Variants in ZNF69 observed in about 807,000 individuals in gnomAD.
The protein encoded by ZNF69 is ZNF3.
In ZNF69, 47 loss-of-function variants were observed where a neutral mutation model predicts 50.9. The ratio of observed to expected loss-of-function variants is 0.92; its 90% confidence interval spans 0.73 to 1.18. ZNF69 has a LOEUF of 1.18. Among genes scored for constraint, ZNF69 ranks in the 50% most tolerant of loss-of-function variants. The probability of loss-of-function intolerance (pLI) is 0.00; values close to 1 mark genes in which losing one functional copy is unlikely to be tolerated. For synonymous variants in ZNF69, 216 were observed against 223.1 expected, an observed-to-expected ratio of 0.97 and a Z score of 0.29; for missense variants, 717 against 675.1, an observed-to-expected ratio of 1.06 and a Z score of -0.69.
chr19:11,975,722 G>A, the ZNF69 span, among the ~76,000 whole-genome samples: 4 of 152,128 alleles, frequency 2.6e-5, no homozygotes, highest in Non-Finnish European at 5.9e-5. Flanking sequence ...ATATCCCATT[G>A]TATGTGTATG....
chr19:11,978,787 A>G, the ZNF69 span: 1 of 1,614,156 alleles, frequency 6.2e-7, no homozygotes, highest in Non-Finnish European at 8.5e-7. Flanking sequence ...GAATGTAAAC[A>G]ATGTGGCAAA....
chr19:11,904,745 G>T lies in ZNF69; in HGVS notation c.348G>T (p.Glu116Asp), dbSNP rs1314148411. ...QVPDDRLNFQ[E>D]KKASPEIKSC... ...CAGATGACAGGCTGAACTTCCAGGAGAAGAAAGCTTCTCCTGAAATAAAAT... is the reference window on the plus strand; with the variant it reads ...CAGATGACAGGCTGAACTTCCAGGATAAGAAAGCTTCTCCTGAAATAAAAT... The change falls in exon 4 of 4, where the codon GAG becomes GAT. Residue 116 changes from glutamate to aspartate, a missense_variant. Physicochemically the swap from Glu to Asp is conservative, Grantham distance 45. Transcript: ENST00000429654. 6.2e-7 allele frequency: 1 copy of T among 1,613,868 alleles called. No homozygotes were observed.
chr19:11,970,155 A>C, the ZNF69 span, among the ~76,000 whole-genome samples: 1 of 152,204 alleles, frequency 6.6e-6, no homozygotes, highest in Non-Finnish European at 1.5e-5. Flanking sequence ...TTGGAGACAC[A>C]TGGCTGTTCT....
chr19:11,905,895 C>T lies in ZNF69; in HGVS notation c.1498C>T (p.His500Tyr). The T allele has an allele frequency of 1.2e-6, 2 of 1,613,906 alleles. No homozygotes were observed. Among genetic ancestry groups the T allele is most frequent in the East Asian group, 2.2e-5 (1 of 44,874 alleles). Reference sequence around the variant, plus strand: ...ATCATTGCAAAGACATGAAAAAACTCACACTGGAGAGAAACTCTATGAATG... The same window carrying T: ...ATCATTGCAAAGACATGAAAAAACTTACACTGGAGAGAAACTCTATGAATG... ...PKSLQRHEKTHTGEKLYECKQ... is the reference protein window; with the variant it reads ...PKSLQRHEKTYTGEKLYECKQ... The change falls in exon 4 of 4, where the codon CAC becomes TAC. Residue 500 changes from histidine (H) to tyrosine (Y), a missense_variant. Coordinates refer to ENST00000429654, the MANE Select transcript of ZNF69 (RefSeq NM_001364730.1).
intron 1 of ZNF69, among the ~76,000 whole-genome samples, chr19:11,897,143 T>G (rs1025290107): frequency 3.3e-5 from 5 of 151,418 alleles, no homozygotes; most frequent in Non-Finnish European, 5.9e-5. Context: ...AGGTCAGGAG[T>G]TCAAGACCAG....
chr19:11,980,209 T>A, the ZNF69 span: 1 of 449,562 alleles, frequency 2.2e-6, no homozygotes, highest in Non-Finnish European at 4.0e-6. Context: ...ATGAAACCCC[T>A]GTCTCTACTA....
At chr19:11,915,953 G>GCAGGTGTAC (rs758399317), downstream of ZNF69, among the ~76,000 whole-genome samples, 20 of 152,118 alleles carry the variant, frequency 1.3e-4, no homozygotes, top group Non-Finnish European at 2.1e-4. Flanking sequence ...TGCCCCCACT[G>GCAGGTGTAC]CAGGTGTACC....
At chr19:11,891,740 G>A (rs972786994) in intron 1 of ZNF69, among the ~76,000 whole-genome samples, 6 of 152,148 alleles carry the variant, frequency 3.9e-5, no homozygotes, top group African/African-American at 1.4e-4. Context: ...TGTTGTTGTG[G>A]GAGTGTAAGG....
chr19:11,916,587 C>T (rs1972524476), downstream of ZNF69, among the ~76,000 whole-genome samples: 1 of 152,126 alleles, frequency 6.6e-6, no homozygotes, highest in East Asian at 1.9e-4. Flanking sequence ...TGCACTCCAG[C>T]CTGGGCTACA....
chr19:11,908,339 A>T (rs999993582), downstream of ZNF69, among the ~76,000 whole-genome samples: 1 of 152,210 alleles, frequency 6.6e-6, no homozygotes, highest in Non-Finnish European at 1.5e-5. Flanking sequence ...ACATCTACAG[A>T]ACTCTCCACC....
chr19:11,898,890 T>A (rs1344042471), intron 1 of ZNF69, among the ~76,000 whole-genome samples: 1 of 152,236 alleles, frequency 6.6e-6, no homozygotes, highest in Non-Finnish European at 1.5e-5. Flanking sequence ...TAGTGTATCC[T>A]ACAACTTATG....
At chr19:11,975,245 A>G in the ZNF69 span, among the ~76,000 whole-genome samples, 1 of 151,598 alleles carries the variant, frequency 6.6e-6, no homozygotes. Context: ...GATAAAACGC[A>G]TGTTTAGTAA....
At chr19:11,965,095 C>A in the ZNF69 span, 1 of 1,436,094 alleles carries the variant, frequency 7.0e-7, no homozygotes, top group East Asian at 2.3e-5. Context: ...GTATCCATCC[C>A]CGAGAGGGAC....
the ZNF69 span, among the ~76,000 whole-genome samples, chr19:11,926,187 C>T: frequency 3.3e-5 from 5 of 152,158 alleles, no homozygotes; most frequent in Non-Finnish European, 7.3e-5. Flanking sequence ...TTTTGCCTTG[C>T]GTGGCCTTAG....
chr19:11,913,628 ATTCGCCTG>A, exon 5 of ZNF69: 1 of 302,904 alleles, frequency 3.3e-6, no homozygotes, highest in South Asian at 1.5e-4. Flanking sequence ...AGACCTCATG[ATTCGCCTG>A]CCTCGGCCTC....
intron 1 of ZNF69, among the ~76,000 whole-genome samples, chr19:11,903,082 A>G (rs1271974186): frequency 6.6e-6 from 1 of 152,164 alleles, no homozygotes; most frequent in Non-Finnish European, 1.5e-5. Flanking sequence ...GGTTGTAGTG[A>G]GCCACGATGG....
chr19:11,888,271 C>T (rs1976996280), intron 1 of ZNF69, among the ~76,000 whole-genome samples: 1 of 152,222 alleles, frequency 6.6e-6, no homozygotes. Flanking sequence ...TGTGCGGGGG[C>T]CACGGGAGGG....
the ZNF69 span, chr19:11,976,894 A>C: frequency 2.6e-6 from 4 of 1,515,496 alleles, no homozygotes; most frequent in Non-Finnish European, 3.5e-6. Context: ...TTTATGGAAG[A>C]AAGTACAGAA....
At chr19:11,921,200 G>A in the ZNF69 span, among the ~76,000 whole-genome samples, 1 of 151,668 alleles carries the variant, frequency 6.6e-6, no homozygotes, top group Non-Finnish European at 1.5e-5. Context: ...AAGAAACATA[G>A]TATGGCTCTG....
Sources: allele counts gnomAD v4.1 joint callset (sites outside exome capture counted in the v4.1 genomes callset), GRCh38; gene constraint gnomAD v4.1.1; transcripts MANE v1.5; gene names NCBI Gene and HGNC (gene_info 2026-07-23, HGNC 2026-07-21).